The following GPR171 variants were observed in gnomAD, a reference collection of about 807,000 sequenced individuals.
GPR171 encodes the protein F730001G15Rik.
Under a neutral mutation model 16.7 loss-of-function variants are expected in GPR171, and 14 were observed. The observed-to-expected ratio is 0.84, with a 90% confidence interval of 0.55 to 1.31. The LOEUF is 1.31. Among genes scored for constraint, GPR171 ranks in the 40% most tolerant of loss-of-function variants. The pLI is 0.00. For synonymous variants in GPR171, 134 were observed against 135.6 expected, an observed-to-expected ratio of 0.99 and a Z score of 0.08; for missense variants, 337 against 378.9, an observed-to-expected ratio of 0.89 and a Z score of 0.92.
intron 1 of GPR171, among the ~76,000 whole-genome samples, chr3:151,202,815 T>C (rs1725817340): frequency 6.6e-6 from 1 of 152,226 alleles, no homozygotes; most frequent in Non-Finnish European, 1.5e-5. Context: ...ATCTACAACA[T>C]GGCCTCTATC....
In GPR171 at chr3:151,199,036, T is replaced by C; in HGVS notation, c.351A>G (p.Thr117=). 6.2e-7 allele frequency: 1 copy of C among 1,614,118 alleles called. No homozygotes were observed. The highest frequency in any genetic ancestry group is 8.5e-7 in the Non-Finnish European group (1 of 1,179,952). The change falls in exon 3 of 3, where the codon ACA becomes ACG. Residue 117 remains threonine, a synonymous_variant. Coordinates refer to ENST00000309180, the MANE Select transcript of GPR171 (RefSeq NM_013308.4). Reference sequence around the variant, plus strand: ...GTATTCGGTAGATCTTGCAGCTGTGTGTCAGCTGAAGACAGCGGTCAATGC... The same window carrying C: ...GTATTCGGTAGATCTTGCAGCTGTGCGTCAGCTGAAGACAGCGGTCAATGC... The part of the protein sequence containing the change: ...FVSIDRCLQL[T]HSCKIYRIQE...
At chr3:151,199,620 G>A (rs927003519) in intron 2 of GPR171, among the ~76,000 whole-genome samples, 181 bp from the exon 3 acceptor site, 3 of 151,232 alleles carry the variant, frequency 2.0e-5, no homozygotes, top group African/African-American at 7.3e-5. Flanking sequence ...GTTTTCCATT[G>A]TCTGATTTTG....
At position 151,197,990 on chromosome 3, in the gene GPR171, A is replaced by AT. The variant is rs1559866519; in HGVS notation, c.*436dup. The AT allele has an allele frequency of 6.5e-6, 1 of 153,096 alleles. No individual in the cohort carries two copies. Among genetic ancestry groups the AT allele is most frequent in the Non-Finnish European group, 1.5e-5 (1 of 68,362 alleles). 9.5% of individuals were successfully genotyped at this position (153,096 alleles called of 1,614,324 possible). On this transcript the variant is annotated 3_prime_UTR_variant, in exon 3 of 3. Transcript: ENST00000309180. ...GCACAAGTTGTTATATGTAAGCTGC[A>AT]TTTTTTAAAAGTAATCTGAAAGGCT...
chr3:151,199,567 C>T (rs1725229520), intron 2 of GPR171, 128 bp from the exon 3 acceptor site: 1 of 580,428 alleles, frequency 1.7e-6, no homozygotes, highest in Non-Finnish European at 3.0e-6. Context: ...CTTACCAGAC[C>T]ATATGGCCTG....
In GPR171 at chr3:151,198,063, A is replaced by G. The variant is rs1021483723; in HGVS notation, c.*364T>C. On this transcript the variant is annotated 3_prime_UTR_variant, in exon 3 of 3. Coordinates refer to ENST00000309180, the MANE Select transcript of GPR171 (RefSeq NM_013308.4). ...CTTTCTGGTAACTTACATGGAAATTATTTTTTATATTTTTATCAAGAAGTC... is the reference window on the plus strand; with the variant it reads ...CTTTCTGGTAACTTACATGGAAATTGTTTTTTATATTTTTATCAAGAAGTC... 6.4e-6 allele frequency: 1 copy of G among 157,310 alleles called. No individual in the cohort carries two copies. Among genetic ancestry groups the G allele is most frequent in the Non-Finnish European group, 1.4e-5 (1 of 71,614 alleles). The allele number at this position is 157,310 out of a possible 1,614,324, so 9.7% of individuals were successfully genotyped here. A position where few individuals can be genotyped will look rare whatever the true frequency, so the allele number is the denominator to read the frequency against.
intron 1 of GPR171, among the ~76,000 whole-genome samples, chr3:151,201,963 A>T (rs1340472610): frequency 6.6e-6 from 1 of 152,236 alleles, no homozygotes; most frequent in Admixed American, 6.5e-5. Flanking sequence ...TGAGACGTAT[A>T]TGGTAAAGAG....
Position 151,198,147 on chromosome 3 carries a change from C to T in GPR171, c.*280G>A. On this transcript the variant is annotated 3_prime_UTR_variant, in exon 3 of 3. Transcript: ENST00000309180. The stretch of plus-strand genomic sequence containing the variant: ...ACCTTTGGGTCTATGTCATGGACCT[C>T]TTTTGGATTTCAAGGATATTGCAGG... 3.9e-6 allele frequency: 1 copy of T among 254,758 alleles called. No homozygotes were observed. Among genetic ancestry groups the T allele is most frequent in the East Asian group, 7.4e-5 (1 of 13,566 alleles). 15.8% of individuals were successfully genotyped at this position (254,758 alleles called of 1,614,324 possible). A position where few individuals can be genotyped will look rare whatever the true frequency, so the allele number is the denominator to read the frequency against.
chr3:151,201,447 A>G (rs1301037164), intron 1 of GPR171, among the ~76,000 whole-genome samples: 1 of 152,156 alleles, frequency 6.6e-6, no homozygotes, highest in Non-Finnish European at 1.5e-5. Context: ...TTTTGGAGTC[A>G]TAGGATTTTA....
chr3:151,202,796 G>A (rs1392719233), intron 1 of GPR171, among the ~76,000 whole-genome samples: 2 of 152,158 alleles, frequency 1.3e-5, no homozygotes, highest in Non-Finnish European at 2.9e-5. Flanking sequence ...GTTGTTCCCT[G>A]TTGTGAAGAT....
At chr3:151,202,021 T>C (rs1005392317) in intron 1 of GPR171, among the ~76,000 whole-genome samples, 1 of 152,238 alleles carries the variant, frequency 6.6e-6, no homozygotes, top group East Asian at 1.9e-4. Flanking sequence ...TAGCTAGAAC[T>C]GACGATATAT....
intron 2 of GPR171, among the ~76,000 whole-genome samples, chr3:151,200,473 A>G (rs184104346): frequency 5.2e-5 from 8 of 152,382 alleles, no homozygotes; most frequent in Non-Finnish European, 8.8e-5. Flanking sequence ...AGAAGCAAAT[A>G]TAAGTTATAG....
Position 151,198,588 on chromosome 3 carries a change from T to C in GPR171, c.799A>G (p.Lys267Glu). The change falls in exon 3 of 3, where the codon AAA becomes GAA. Residue 267 changes from lysine to glutamate, a missense_variant. Lys to Glu is a moderately conservative substitution (Grantham distance 56, BLOSUM62 1). Coordinates refer to ENST00000309180, the MANE Select transcript of GPR171 (RefSeq NM_013308.4). ...CSTRISLFKA[K>E]EATLLLAVSN... ...ACAGCCAGGAGCAGTGTAGCCTCTTTGGCTTTGAAGAGTGAAATCCTGGTT... is the reference window on the plus strand; with the variant it reads ...ACAGCCAGGAGCAGTGTAGCCTCTTCGGCTTTGAAGAGTGAAATCCTGGTT... The C allele has an allele frequency of 6.2e-7, 1 of 1,614,066 alleles. No individual in the cohort carries two copies. Among genetic ancestry groups the C allele is most frequent in the South Asian group, 1.1e-5 (1 of 91,076 alleles).
chr3:151,200,310 A>T (rs1308140351), intron 2 of GPR171, among the ~76,000 whole-genome samples: 2 of 152,160 alleles, frequency 1.3e-5, no homozygotes, highest in Admixed American at 1.3e-4. Flanking sequence ...ACATGCTTAG[A>T]GCTAAGGGTA....
At position 151,198,249 on chromosome 3, in the gene GPR171, A is replaced by G. The variant is rs1321957540; in HGVS notation, c.*178T>C. On this transcript the variant is annotated 3_prime_UTR_variant, in exon 3 of 3. Transcript: ENST00000309180. ...TTAATGAGTAGCAGCAAGCCTAACA[A>G]TAAAGCTTGACTTGCATTTAGAAAC... is the stretch of plus-strand genomic sequence containing the variant. 1 of 515,772 alleles carries G rather than the reference A, an allele frequency of 1.9e-6. No individual in the cohort carries two copies. The highest frequency in any genetic ancestry group is 1.9e-5 in the African/African-American group (1 of 52,246). The allele number at this position is 515,772 out of a possible 1,614,324, so 31.9% of individuals were successfully genotyped here.
At position 151,202,507 on chromosome 3, in the gene GPR171, C is replaced by T. The variant is rs1339212440; in HGVS notation, c.-143+597G>A. Among the ~76,000 whole-genome samples the T allele has an allele frequency of 2.0e-5, 3 of 152,188 alleles. No homozygotes were observed. In the East Asian group the frequency reaches 5.8e-4, roughly 29 times the overall value. On this transcript the variant is annotated intron_variant, in intron 1 of 2. Coordinates refer to ENST00000309180, the MANE Select transcript of GPR171 (RefSeq NM_013308.4). ...CCAACATGGTGAAATCCTGTCTCTA[C>T]TAAAAATACAAAAATTAGCCAACGC...
Position 151,198,387 on chromosome 3 carries a change from C to A in GPR171, c.*40G>T. The A allele has an allele frequency of 7.5e-7, 1 of 1,341,702 alleles. No homozygotes were observed. The highest frequency in any genetic ancestry group is 1.0e-6 in the Non-Finnish European group (1 of 1,000,196). 83.1% of individuals were successfully genotyped at this position (1,341,702 alleles called of 1,614,324 possible). Reference sequence around the variant, plus strand: ...TCAAAGCTATAATTAACTTTATGGTCCAGTAAGGCCAGAATTGGTAGCACA... The same window carrying A: ...TCAAAGCTATAATTAACTTTATGGTACAGTAAGGCCAGAATTGGTAGCACA... On this transcript the variant is annotated 3_prime_UTR_variant, in exon 3 of 3. Transcript: ENST00000309180.
rs1022886897 is a variant in GPR171, at chr3:151,199,548, A to G, written c.-53-109T>C. ...TTGTCTTTCCAGTTCTTAGAATTTT[A>G]TTGGTGAACTTACCAGACCATATGG... is the stretch of plus-strand genomic sequence containing the variant. On this transcript the variant is annotated intron_variant, in intron 2 of 2. Coordinates refer to ENST00000309180, the MANE Select transcript of GPR171 (RefSeq NM_013308.4). The G allele has an allele frequency of 1.6e-5, 10 of 626,322 alleles. No individual in the cohort carries two copies. The Admixed American group carries it at 2.7e-4, about 17-fold the overall frequency. The allele number at this position is 626,322 out of a possible 1,614,324, so 38.8% of individuals were successfully genotyped here. A position where few individuals can be genotyped will look rare whatever the true frequency, so the allele number is the denominator to read the frequency against.
At chr3:151,199,686 A>T (rs1725246091) in intron 2 of GPR171, among the ~76,000 whole-genome samples, 1 of 151,796 alleles carries the variant, frequency 6.6e-6, no homozygotes. Context: ...TTTCAACCTC[A>T]GGTTTTTCCA....
chr3:151,202,161 T>G (rs893625875), intron 1 of GPR171, among the ~76,000 whole-genome samples: 1 of 152,250 alleles, frequency 6.6e-6, no homozygotes, highest in Non-Finnish European at 1.5e-5. Context: ...CAAATCTGTT[T>G]ATTTAAAATT....
Sources: allele counts gnomAD v4.1 joint callset (sites outside exome capture counted in the v4.1 genomes callset), GRCh38; gene constraint gnomAD v4.1.1; transcripts MANE v1.5; gene names NCBI Gene and HGNC (gene_info 2026-07-23, HGNC 2026-07-21).